GADL1: variants seen among roughly 807,000 people sequenced by gnomAD.
GADL1 encodes acidic amino acid decarboxylase GADL1.
Under a neutral mutation model 69.5 loss-of-function variants are expected in GADL1, and 71 were observed. The observed-to-expected ratio is 1.02, with a 90% CI of 0.84 to 1.25. GADL1 has a LOEUF of 1.25. Among genes scored for constraint, GADL1 ranks in the 50% most tolerant of loss-of-function variants. The pLI is 0.00. For missense variants in GADL1, 737 were observed against 631.8 expected, an observed-to-expected ratio of 1.17 and a Z score of -1.79; for synonymous variants, 254 against 214.4, an observed-to-expected ratio of 1.18 and a Z score of -1.62.
rs142965471 is a variant in GADL1 at position 30,807,538 on chromosome 3, TA to T, written c.1051-6451del. 2.3e-3 allele frequency among the ~76,000 whole-genome samples: 346 copies of T among 152,302 alleles called. 2 individuals are homozygous for T. The highest frequency in any genetic ancestry group is 3.9e-3 in the Non-Finnish European group (262 of 68,032). ...GGTCTTTACAAGTCTCAGTGTAGTT[TA>T]AATGGAACACTCTAAAGGTATCACA... On this transcript the variant is annotated intron_variant, in intron 11 of 14. Transcript: ENST00000282538.
At chr3:30,780,181 C>G (rs995786192) in intron 13 of GADL1, among the ~76,000 whole-genome samples, 6 of 152,168 alleles carry the variant, frequency 3.9e-5, no homozygotes, top group African/African-American at 1.2e-4. Flanking sequence ...GATGACTTCT[C>G]TGGCACTCCT....
intron 11 of GADL1, among the ~76,000 whole-genome samples, chr3:30,816,199 G>C (rs1049257231): frequency 2.6e-5 from 4 of 152,040 alleles, no homozygotes; most frequent in Non-Finnish European, 5.9e-5. Context: ...TGCTTGGCTA[G>C]AGAGGAGACC....
rs186942010 is a variant in GADL1 at position 30,731,475 on chromosome 3, T to A, written c.1393-3060A>T. 2.5e-4 allele frequency among the ~76,000 whole-genome samples: 38 copies of A among 152,378 alleles called. No individual in the cohort carries two copies. In the East Asian group the frequency reaches 6.7e-3, roughly 27 times the overall value. Reference sequence around the variant, plus strand: ...ATTATCAAAATGAATCTGTCACGTTTGTATTTCTTGTGAGGAAGCCAGAAA... The same window carrying A: ...ATTATCAAAATGAATCTGTCACGTTAGTATTTCTTGTGAGGAAGCCAGAAA... On this transcript the variant is annotated intron_variant, in intron 14 of 14. Transcript: ENST00000282538.
Position 30,800,879 on chromosome 3 carries a change from A to AG in GADL1, c.1250+9dup. ...AAGAGAGAGAGAGAGAGAGAGAGAGAGGCTAGTACCTAGATAAAGCAAGAG... is the reference window on the plus strand; with the variant it reads ...AAGAGAGAGAGAGAGAGAGAGAGAGAGGGCTAGTACCTAGATAAAGCAAGAG... On this transcript the variant is annotated intron_variant, in intron 12 of 14. Transcript: ENST00000282538. 1 of 1,441,238 alleles carries AG rather than the reference A, an allele frequency of 6.9e-7. No individual in the cohort carries two copies. Among genetic ancestry groups the AG allele is most frequent in the Non-Finnish European group, 9.6e-7 (1 of 1,040,202 alleles). The allele number at this position is 1,441,238 out of a possible 1,614,324, so 89.3% of individuals were successfully genotyped here.
chr3:30,823,547 T>A (rs1697628101), intron 11 of GADL1, among the ~76,000 whole-genome samples: 1 of 151,882 alleles, frequency 6.6e-6, no homozygotes, highest in Non-Finnish European at 1.5e-5. Context: ...TCCATTTTTA[T>A]AAGAAAGATC....
At chr3:30,774,915 A>T (rs2125494344) in intron 14 of GADL1, among the ~76,000 whole-genome samples, 1 of 152,226 alleles carries the variant, frequency 6.6e-6, no homozygotes. Flanking sequence ...GAGGGGCTTG[A>T]CGGTAAAGAA....
chr3:30,756,967 A>AG (rs1491331256), intron 14 of GADL1, among the ~76,000 whole-genome samples: 1 of 152,166 alleles, frequency 6.6e-6, no homozygotes, highest in Non-Finnish European at 1.5e-5. Context: ...GTCAAAGGAG[A>AG]GGGGTAATAA....
intron 14 of GADL1, among the ~76,000 whole-genome samples, chr3:30,766,476 T>C (rs979777171): frequency 1.3e-5 from 2 of 152,194 alleles, no homozygotes; most frequent in African/African-American, 4.8e-5. Flanking sequence ...ATGTAGCCTG[T>C]CCCACTTAGC....
chr3:30,782,297 A>G (rs145769135), intron 13 of GADL1, among the ~76,000 whole-genome samples: 1 of 152,298 alleles, frequency 6.6e-6, no homozygotes, highest in African/African-American at 2.4e-5. Context: ...GAAGTGGGAC[A>G]CAAGTTAGCA....
intron 14 of GADL1, among the ~76,000 whole-genome samples, chr3:30,776,246 C>T (rs919384118): frequency 2.1e-4 from 32 of 152,136 alleles, no homozygotes; most frequent in African/African-American, 7.5e-4. Context: ...CATTGTTTTT[C>T]GTAAACAATT....
intron 1 of GADL1, among the ~76,000 whole-genome samples, chr3:30,883,271 T>C (rs1200209135): frequency 6.6e-6 from 1 of 152,042 alleles, no homozygotes; most frequent in Non-Finnish European, 1.5e-5. Context: ...ATAGAAATTT[T>C]ATATTTTTGG....
chr3:30,742,405 A>G (rs201409968), intron 14 of GADL1, among the ~76,000 whole-genome samples: 1 of 152,006 alleles, frequency 6.6e-6, no homozygotes, highest in East Asian at 1.9e-4. Context: ...CTGACTAAAA[A>G]GCTACCTTCT....
intron 8 of GADL1, among the ~76,000 whole-genome samples, chr3:30,842,576 G>A (rs1559358383): frequency 6.6e-6 from 1 of 152,024 alleles, no homozygotes; most frequent in Non-Finnish European, 1.5e-5. Context: ...AAGGAGAAAT[G>A]AGGGAGGGAA....
intron 14 of GADL1, among the ~76,000 whole-genome samples, chr3:30,742,070 T>A (rs1398298139): frequency 2.0e-5 from 3 of 152,140 alleles, no homozygotes; most frequent in Non-Finnish European, 4.4e-5. Flanking sequence ...ACCAAACATG[T>A]GAGTAAAGAC....
intron 12 of GADL1, among the ~76,000 whole-genome samples, chr3:30,790,704 AAAG>A (rs945283097): frequency 7.9e-5 from 12 of 152,188 alleles, no homozygotes; most frequent in African/African-American, 2.4e-4. Flanking sequence ...TACAAAGAAA[AAAG>A]TTATCAATAT....
chr3:30,865,570 T>C (rs1002214421), intron 1 of GADL1, among the ~76,000 whole-genome samples: 1 of 151,990 alleles, frequency 6.6e-6, no homozygotes, highest in African/African-American at 2.4e-5. Context: ...AGACTGGACC[T>C]GATTAAGCAG....
At chr3:30,791,019 T>C (rs553197703) in intron 12 of GADL1, among the ~76,000 whole-genome samples, 31 of 151,964 alleles carry the variant, frequency 2.0e-4, no homozygotes, top group African/African-American at 7.0e-4. Flanking sequence ...TAAATCTCTA[T>C]CCACATGTAT....
intron 14 of GADL1, among the ~76,000 whole-genome samples, chr3:30,772,647 T>A (rs563447853): frequency 1.6e-4 from 25 of 151,904 alleles, no homozygotes; most frequent in Non-Finnish European, 4.4e-5. Flanking sequence ...GGGGCTGAGG[T>A]GGGTGAATCA....
intron 12 of GADL1, among the ~76,000 whole-genome samples, chr3:30,794,240 A>G (rs1326968606): frequency 6.6e-6 from 1 of 152,196 alleles, no homozygotes; most frequent in African/African-American, 2.4e-5. Context: ...AAGGGAATAG[A>G]TAGATAAATG....
Sources: gnomAD v4.1 joint callset for allele counts (sites outside exome capture counted in the v4.1 genomes callset) on GRCh38, gnomAD v4.1.1 for gene constraint, MANE v1.5 for transcripts, NCBI Gene and HGNC (gene_info 2026-07-23, HGNC 2026-07-21) for gene names.